The following DSTN variants were observed in gnomAD, a reference collection of about 807,000 sequenced individuals.
DSTN encodes the protein destrin.
DSTN carries 10 observed loss-of-function variants against 16.8 expected under a neutral mutation model. The observed-to-expected ratio is 0.60, with a 90% CI of 0.37 to 1.01. The LOEUF (loss-of-function observed/expected upper bound fraction) is 1.01, where lower values mean the gene tolerates loss of function less well. Among genes scored for constraint, DSTN ranks in the 50% least tolerant of loss-of-function variants. The pLI, the probability that DSTN is intolerant of heterozygous loss-of-function variation, is 0.01. For synonymous variants in DSTN, 57 were observed against 58.9 expected (o/e 0.97, Z 0.14); for missense variants, 141 against 196.7 (o/e 0.72, Z 1.69).
intron 1 of DSTN, among the ~76,000 whole-genome samples, chr20:17,596,125 T>A (rs1444237873): frequency 1.3e-5 from 2 of 152,226 alleles, no homozygotes; most frequent in African/African-American, 4.8e-5. Context: ...TTGATGACTT[T>A]CCTCCTCAAA....
intron 2 of DSTN, among the ~76,000 whole-genome samples, chr20:17,601,252 ACT>A (rs1295991982): frequency 2.2e-5 from 3 of 136,568 alleles, no homozygotes; most frequent in South Asian, 2.3e-4. Flanking sequence ...TTGTTATGTG[ACT>A]CTCCGTTTTT....
chr20:17,573,156 C>G (rs1439686719), intron 1 of DSTN, among the ~76,000 whole-genome samples: 1 of 152,194 alleles, frequency 6.6e-6, no homozygotes, highest in Non-Finnish European at 1.5e-5. Context: ...AGGTAAAGTT[C>G]ACAGTAGTCA....
intron 1 of DSTN, among the ~76,000 whole-genome samples, chr20:17,593,440 T>C (rs2035492862): frequency 6.6e-6 from 1 of 152,200 alleles, no homozygotes; most frequent in Non-Finnish European, 1.5e-5. Context: ...CTTACAGTCT[T>C]TAAGAACTTG....
At chr20:17,605,590 CAT>C (rs1280254479) in intron 3 of DSTN, among the ~76,000 whole-genome samples, 13 of 152,312 alleles carry the variant, frequency 8.5e-5, no homozygotes, top group African/African-American at 2.9e-4. Context: ...CTTGCTGCTG[CAT>C]AGTTTATTGC....
rs71192397 is a variant in DSTN, at chr20:17,583,735, C to CTTTTTTTTTTTT, written c.3+13536_3+13547dup. 2.8e-3 allele frequency among the ~76,000 whole-genome samples: 203 copies of CTTTTTTTTTTTT among 72,492 alleles called. 50 individuals carry two copies. Among genetic ancestry groups the CTTTTTTTTTTTT allele is most frequent in the Non-Finnish European group, 3.7e-3 (156 of 42,478 alleles). 47.6% of individuals were successfully genotyped at this position (72,492 alleles called of 152,430 possible). On this transcript the variant is annotated intron_variant, in intron 1 of 3. Coordinates refer to ENST00000246069, the MANE Select transcript of DSTN (RefSeq NM_006870.4). ...ATGACTGCTAATGGGTTTGGAGTTT[C>CTTTTTTTTTTTT]TTTTTTTTTTTTTTTTTTTTTTTGA...
intron 1 of DSTN, among the ~76,000 whole-genome samples, chr20:17,573,014 C>A (rs967830779): frequency 6.6e-6 from 1 of 152,124 alleles, no homozygotes; most frequent in African/African-American, 2.4e-5. Context: ...CAGGCTATTG[C>A]AATTAGGAGA....
chr20:17,606,456 TAC>T (rs1405784518), intron 3 of DSTN, among the ~76,000 whole-genome samples: 2 of 152,254 alleles, frequency 1.3e-5, no homozygotes, highest in Non-Finnish European at 2.9e-5. Flanking sequence ...TACTTTTCAA[TAC>T]AGTTGACAAA....
At chr20:17,578,247 A>G (rs2035301472) in intron 1 of DSTN, among the ~76,000 whole-genome samples, 1 of 152,214 alleles carries the variant, frequency 6.6e-6, no homozygotes, top group South Asian at 2.1e-4. Flanking sequence ...GCAAGATACC[A>G]CTCTCATAGT....
chr20:17,572,493 T>C (rs1171442732), intron 1 of DSTN, among the ~76,000 whole-genome samples: 1 of 152,216 alleles, frequency 6.6e-6, no homozygotes, highest in Non-Finnish European at 1.5e-5. Context: ...CCAGAGTATC[T>C]TTTATGCTTC....
rs2035651373 is a variant in DSTN at position 17,607,145 on chromosome 20, A to G, written c.497A>G (p.Ter166TrpextTer21). Residue 166 changes from the stop codon to tryptophan, a stop_lost, in exon 4 of 4, where the codon TAG becomes TGG. Transcript: ENST00000246069. ...GTAGCCTTTGAAGGATGCCCTGTGTAGATTATTCAGTGCCACAAATTGAAA... is the reference window on the plus strand; with the variant it reads ...GTAGCCTTTGAAGGATGCCCTGTGTGGATTATTCAGTGCCACAAATTGAAA... Reference protein sequence around the residue: ...LIVAFEGCPV* With the variant: ...LIVAFEGCPVW 1.2e-6 allele frequency: 2 copies of G among 1,610,686 alleles called. No homozygotes were observed. The highest frequency in any genetic ancestry group is 1.7e-5 in the Admixed American group (1 of 59,736).
At chr20:17,584,055 G>A (rs929422484) in intron 1 of DSTN, among the ~76,000 whole-genome samples, 11 of 152,052 alleles carry the variant, frequency 7.2e-5, no homozygotes, top group Non-Finnish European at 1.6e-4. Flanking sequence ...TTCTTTTTGT[G>A]GTGTTCAAAA....
At chr20:17,584,584 G>T (rs773671333) in intron 1 of DSTN, among the ~76,000 whole-genome samples, 2 of 151,528 alleles carry the variant, frequency 1.3e-5, no homozygotes, top group Non-Finnish European at 2.9e-5. Context: ...CCCAGGAGGC[G>T]GAAGTTGCAG....
intron 3 of DSTN, among the ~76,000 whole-genome samples, chr20:17,605,778 T>C (rs2035635857): frequency 6.6e-6 from 1 of 152,176 alleles, no homozygotes; most frequent in African/African-American, 2.4e-5. Flanking sequence ...GTAAAGGGAA[T>C]TGCTTTGCAC....
chr20:17,588,074 T>C (rs944385705), intron 1 of DSTN, among the ~76,000 whole-genome samples: 6 of 152,196 alleles, frequency 3.9e-5, no homozygotes, highest in Admixed American at 3.3e-4. Context: ...ATACCCTCCT[T>C]CTTTCCCCTC....
chr20:17,586,663 C>G (rs1600704600), intron 1 of DSTN, among the ~76,000 whole-genome samples: 3 of 152,144 alleles, frequency 2.0e-5, no homozygotes, highest in Admixed American at 1.3e-4. Context: ...TGTTTGGTTT[C>G]TTTATCCATA....
intron 1 of DSTN, among the ~76,000 whole-genome samples, chr20:17,577,938 T>C (rs2035298099): frequency 2.0e-5 from 3 of 152,234 alleles, no homozygotes; most frequent in Admixed American, 1.3e-4. Context: ...ATTTTTAGAA[T>C]TTAAGTTAAT....
At position 17,604,566 on chromosome 20, in the gene DSTN, T is replaced by C; in HGVS notation, c.323T>C (p.Leu108Pro). 6.2e-7 allele frequency: 1 copy of C among 1,611,942 alleles called. No homozygotes were observed. The highest frequency in any genetic ancestry group is 8.5e-7 in the Non-Finnish European group (1 of 1,179,550). Reference sequence around the variant, plus strand: ...ATCTTTCTATCTAGGGCACCAGAACTAGCACCTCTGAAAAGTAAAATGATC... The same window carrying C: ...ATCTTTCTATCTAGGGCACCAGAACCAGCACCTCTGAAAAGTAAAATGATC... ...ELMFFLWAPE[L>P]APLKSKMIYA... The change falls in exon 3 of 4, where the codon CTA becomes CCA. Residue 108 changes from leucine to proline, a missense_variant. By Grantham distance (98) the Leu-to-Pro change is moderately conservative (BLOSUM62 -3). Coordinates refer to ENST00000246069, the MANE Select transcript of DSTN (RefSeq NM_006870.4).
At chr20:17,594,163 C>T (rs1266449547) in intron 1 of DSTN, among the ~76,000 whole-genome samples, 3 of 151,992 alleles carry the variant, frequency 2.0e-5, no homozygotes, top group African/African-American at 7.3e-5. Flanking sequence ...CTGGACTGTT[C>T]TAAGTATGGT....
intron 1 of DSTN, among the ~76,000 whole-genome samples, chr20:17,577,644 A>G (rs1176760307): frequency 6.6e-6 from 1 of 152,166 alleles, no homozygotes; most frequent in East Asian, 1.9e-4. Flanking sequence ...AAATGGAAAG[A>G]AAATACAAGC....
Sources: gnomAD v4.1 joint callset for allele counts (sites outside exome capture counted in the v4.1 genomes callset) on GRCh38, gnomAD v4.1.1 for gene constraint, MANE v1.5 for transcripts, NCBI Gene and HGNC (gene_info 2026-07-23, HGNC 2026-07-21) for gene names.